Variants in EMSY observed in about 807,000 individuals in gnomAD.
The protein encoded by EMSY is EMSY transcriptional repressor, BRCA2 interacting.
Under a neutral mutation model 134.6 loss-of-function variants are expected in EMSY, and 26 were observed. The ratio of observed to expected loss-of-function variants is 0.19; its 90% CI spans 0.14 to 0.27. The LOEUF (loss-of-function observed/expected upper bound fraction) is 0.27. Among genes scored for constraint, EMSY ranks in the 10% least tolerant of loss-of-function variants. The pLI, the probability that EMSY is intolerant of heterozygous loss-of-function variation, is 1.00. For synonymous variants in EMSY, 579 were observed against 577.8 expected (o/e 1.00, Z -0.03); for missense variants, 1,305 against 1,611.4 (o/e 0.81, Z 3.26).
chr11:76,449,003 C>A (rs1432004519), intron 2 of EMSY, among the ~76,000 whole-genome samples: 1 of 152,036 alleles, frequency 6.6e-6, no homozygotes, highest in Non-Finnish European at 1.5e-5. Flanking sequence ...TGTGATCATT[C>A]CTGAGCTGTA....
rs746491659 is a variant in EMSY at position 76,523,704 on chromosome 11, CTTTTTTT to C, written c.1821+428_1821+434del. Among the ~76,000 whole-genome samples, 16 of 80,536 alleles carry C rather than the reference CTTTTTTT, an allele frequency of 2.0e-4. No individual in the cohort carries two copies. In the East Asian group the frequency reaches 4.2e-3, roughly 21 times the overall value. The allele number at this position is 80,536 out of a possible 152,430, so 52.8% of individuals were successfully genotyped here. A position where few individuals can be genotyped will look rare whatever the true frequency, so the allele number is the denominator to read the frequency against. ...TTAATTGATGGGGATTTGTTACTTT[CTTTTTTT>C]TTTTTTTTTTTTTTCATTTTTACCT... On this transcript the variant is annotated intron_variant, in intron 12 of 20. Transcript: ENST00000334736.
chr11:76,537,939 A>G, exon 16 of EMSY: 1 of 1,611,142 alleles, frequency 6.2e-7, no homozygotes, highest in Non-Finnish European at 8.5e-7. Flanking sequence ...GTAGCTGAAT[A>G]CATCACTACT....
intron 2 of EMSY, 90 bp downstream of exon 2, chr11:76,447,098 C>A: frequency 8.3e-7 from 1 of 1,203,690 alleles, no homozygotes. Flanking sequence ...GATGTCATAT[C>A]TCACGCTACA....
chr11:76,474,748 A>G (rs1358188855), intron 8 of EMSY, among the ~76,000 whole-genome samples: 1 of 152,224 alleles, frequency 6.6e-6, no homozygotes, highest in African/African-American at 2.4e-5. Flanking sequence ...GAATGAGAAT[A>G]TAGTCCTGTT....
chr11:76,463,798 GC>G, intron 6 of EMSY, 22 bp from the exon 8 acceptor site: 3 of 1,613,144 alleles, frequency 1.9e-6, no homozygotes, highest in Non-Finnish European at 2.5e-6. Context: ...TATACATATA[GC>G]AGTATTGTCA....
rs571823078 is a variant in EMSY at position 76,525,022 on chromosome 11, C to T, written c.1822-1440C>T. Among the ~76,000 whole-genome samples, 15 of 152,268 alleles carry T rather than the reference C, an allele frequency of 9.9e-5. No homozygotes were observed. The East Asian group carries it at 2.7e-3, about 27-fold the overall frequency. ...ACAGAGCAAGACTCTGCCACTGCCA[C>T]CCCCGCCAAAGACCACATAGGCACA... On this transcript the variant is annotated intron_variant, in intron 12 of 20. Coordinates refer to ENST00000334736, the Ensembl canonical transcript of EMSY.
At chr11:76,481,234 G>A (rs569441338) in intron 8 of EMSY, among the ~76,000 whole-genome samples, 2 of 152,118 alleles carry the variant, frequency 1.3e-5, no homozygotes, top group East Asian at 1.9e-4. Context: ...TAGTAGAGAC[G>A]GGGTTTCATC....
At chr11:76,520,944 T>TAGA (rs1224288061) in intron 11 of EMSY, among the ~76,000 whole-genome samples, 1 of 152,218 alleles carries the variant, frequency 6.6e-6, no homozygotes. Context: ...TGTAGGCCTA[T>TAGA]AGAAGAAGAA....
intron 7 of EMSY, among the ~76,000 whole-genome samples, chr11:76,467,110 C>G (rs1439606394): frequency 6.6e-6 from 1 of 152,106 alleles, no homozygotes; most frequent in Non-Finnish European, 1.5e-5. Flanking sequence ...AAGTTTTATA[C>G]TGAGGATAAT....
At chr11:76,515,397 C>A (rs1950416263) in intron 10 of EMSY, among the ~76,000 whole-genome samples, 1 of 151,730 alleles carries the variant, frequency 6.6e-6, no homozygotes, top group South Asian at 2.1e-4. Context: ...CTACAACAGA[C>A]TCATGTAGTT....
At chr11:76,513,604 A>G (rs1950350538) in intron 10 of EMSY, 69 bp downstream of exon 11, 4 of 1,529,924 alleles carry the variant, frequency 2.6e-6, no homozygotes, top group Non-Finnish European at 3.6e-6. Context: ...TGTACCAGCA[A>G]TATGCTTGAC....
chr11:76,544,273 C>G (rs146751469), exon 19 of EMSY: 20 of 1,611,766 alleles, frequency 1.2e-5, no homozygotes, highest in Non-Finnish European at 1.6e-5. Flanking sequence ...TAAGCAGTCA[C>G]ACTGCTTTTA....
At chr11:76,548,256 T>A (rs1207994840) in intron 20 of EMSY, among the ~76,000 whole-genome samples, 1 of 152,240 alleles carries the variant, frequency 6.6e-6, no homozygotes, top group Non-Finnish European at 1.5e-5. Context: ...ATTGATTTGC[T>A]GAGTCTGTAA....
intron 9 of EMSY, chr11:76,497,022 G>A (rs1001630096): frequency 6.2e-6 from 1 of 161,412 alleles, no homozygotes; most frequent in African/African-American, 2.4e-5. Flanking sequence ...AATACCAGCT[G>A]TAGGCTTTTT....
At chr11:76,543,932 C>T (rs1184508152) in intron 18 of EMSY, among the ~76,000 whole-genome samples, 1 of 152,116 alleles carries the variant, frequency 6.6e-6, no homozygotes, top group African/African-American at 2.4e-5. Context: ...ATGAATAGGC[C>T]AGACGGCTGT....
intron 7 of EMSY, among the ~76,000 whole-genome samples, chr11:76,465,666 A>T (rs1565284529): frequency 6.8e-6 from 1 of 147,886 alleles, no homozygotes; most frequent in Non-Finnish European, 1.5e-5. Flanking sequence ...AATGAGATTC[A>T]TGACAATTTT....
At chr11:76,458,194 C>A (rs764112781) in exon 5 of EMSY, 2 of 1,612,934 alleles carry the variant, frequency 1.2e-6, no homozygotes, top group South Asian at 2.2e-5. Flanking sequence ...ATGTCTGGAC[C>A]TAATAGCTCT....
rs1178732448 is a variant in EMSY at position 76,526,700 on chromosome 11, G to A, written c.1995+65G>A. 7 of 1,420,114 alleles carry A rather than the reference G, an allele frequency of 4.9e-6. No individual in the cohort carries two copies. The African/African-American group carries it at 7.2e-5, about 15-fold the overall frequency. The allele number at this position is 1,420,114 out of a possible 1,614,324, so 88.0% of individuals were successfully genotyped here. On this transcript the variant is annotated intron_variant, in intron 13 of 20. Coordinates refer to ENST00000334736, the Ensembl canonical transcript of EMSY. ...TATTTTCAATTCTTATAATTCCCGG[G>A]TAGAAATTTGAAGGAAAAGATCAGC...
At chr11:76,546,084 A>C (rs1565369855) in exon 20 of EMSY, 2 of 1,614,004 alleles carry the variant, frequency 1.2e-6, no homozygotes, top group Non-Finnish European at 1.7e-6. Context: ...CAGGATCATT[A>C]CCCTCCACCC....
Sources: gnomAD v4.1 joint callset for allele counts (sites outside exome capture counted in the v4.1 genomes callset) on GRCh38, gnomAD v4.1.1 for gene constraint, MANE v1.5 for transcripts, NCBI Gene and HGNC (gene_info 2026-07-23, HGNC 2026-07-21) for gene names.